The following NTRK3 variants were observed in gnomAD, a reference collection of about 807,000 sequenced individuals.
NTRK3 encodes NT-3 growth factor receptor.
NTRK3 carries 24 observed loss-of-function variants against 91.7 expected under a neutral mutation model. The observed-to-expected ratio is 0.26, with a 90% CI of 0.19 to 0.37. NTRK3 has a LOEUF of 0.37. Ranked by LOEUF, NTRK3 falls within the 10% of genes least tolerant of loss-of-function variation. The probability of loss-of-function intolerance (pLI) is 1.00; values close to 1 mark genes in which losing one functional copy is unlikely to be tolerated. For synonymous variants in NTRK3, 483 were observed against 404.0 expected (o/e 1.20, Z -2.34); for missense variants, 880 against 1,068.9 (o/e 0.82, Z 2.46).
At chr15:87,935,412 G>A (rs541666984) in intron 15 of NTRK3, among the ~76,000 whole-genome samples, 16 of 152,318 alleles carry the variant, frequency 1.1e-4, no homozygotes, top group Middle Eastern at 3.4e-3. Context: ...AGGATGTAAT[G>A]TCTACCTATA....
intron 14 of NTRK3, among the ~76,000 whole-genome samples, chr15:88,015,350 C>T (rs571218081): frequency 1.3e-5 from 2 of 152,254 alleles, no homozygotes; most frequent in East Asian, 3.9e-4. Flanking sequence ...CCCTCCACCC[C>T]GGGAGGGAGT....
chr15:88,219,503 C>A (rs1044447175), intron 3 of NTRK3, among the ~76,000 whole-genome samples: 2 of 152,248 alleles, frequency 1.3e-5, no homozygotes, highest in African/African-American at 2.4e-5. Context: ...TGGAACCAAG[C>A]AAAACCTTAG....
At chr15:88,217,967 A>C (rs2049935174) in intron 3 of NTRK3, among the ~76,000 whole-genome samples, 1 of 151,990 alleles carries the variant, frequency 6.6e-6, no homozygotes, top group African/African-American at 2.4e-5. Flanking sequence ...TCACCGTTTT[A>C]GCACAATTTT....
At chr15:88,002,969 C>T (rs898750086) in intron 14 of NTRK3, among the ~76,000 whole-genome samples, 6 of 152,130 alleles carry the variant, frequency 3.9e-5, no homozygotes, top group South Asian at 4.2e-4. Flanking sequence ...TTCAAAAATC[C>T]GCCAAGATCA....
In NTRK3 at chr15:87,861,199, T is replaced by C. The variant is rs138961528; in HGVS notation, c.*15736A>G. On this transcript the variant is annotated 3_prime_UTR_variant, in exon 19 of 19. Coordinates refer to ENST00000394480, the Ensembl canonical transcript of NTRK3. ...ACACATGGGATCAGACAAGATATAATAGCTTTACATATACTTAGTACAGAA... is the reference window on the plus strand; with the variant it reads ...ACACATGGGATCAGACAAGATATAACAGCTTTACATATACTTAGTACAGAA... The C allele has an allele frequency of 2.1e-3, 455 of 220,142 alleles. 2 individuals are homozygous for C. The highest frequency in any genetic ancestry group is 9.5e-3 in the African/African-American group (426 of 44,652). The allele number at this position is 220,142 out of a possible 1,614,324, so 13.6% of individuals were successfully genotyped here.
intron 11 of NTRK3, among the ~76,000 whole-genome samples, chr15:88,128,047 A>G (rs1340077076): frequency 6.6e-6 from 1 of 152,186 alleles, no homozygotes; most frequent in Non-Finnish European, 1.5e-5. Context: ...AACAGCACCT[A>G]TTATCTCAAG....
intron 14 of NTRK3, among the ~76,000 whole-genome samples, chr15:87,993,041 G>C (rs1433115699): frequency 6.6e-6 from 1 of 152,094 alleles, no homozygotes; most frequent in African/African-American, 2.4e-5. Flanking sequence ...CTTTAAAAAT[G>C]ATTATGTTAC....
intron 5 of NTRK3, among the ~76,000 whole-genome samples, chr15:88,171,671 C>T (rs1172807361): frequency 1.3e-5 from 2 of 152,176 alleles, no homozygotes; most frequent in Non-Finnish European, 2.9e-5. Context: ...GAATTATTTC[C>T]TTGTGTCCTA....
At chr15:88,155,856 G>T (rs754358124) in intron 5 of NTRK3, among the ~76,000 whole-genome samples, 2 of 148,268 alleles carry the variant, frequency 1.3e-5, no homozygotes, top group Admixed American at 6.7e-5. Flanking sequence ...ATATAAATGA[G>T]GTATTTCACA....
At chr15:88,202,765 C>T (rs2048413975) in intron 3 of NTRK3, among the ~76,000 whole-genome samples, 1 of 152,210 alleles carries the variant, frequency 6.6e-6, no homozygotes, top group Non-Finnish European at 1.5e-5. Context: ...TGTCCAAAGG[C>T]TGAGTGTGAC....
intron 13 of NTRK3, among the ~76,000 whole-genome samples, chr15:88,115,547 T>A (rs2051951968): frequency 6.6e-6 from 1 of 152,194 alleles, no homozygotes; most frequent in Non-Finnish European, 1.5e-5. Context: ...ATGCTGGCAT[T>A]CTTCTGCCCC....
intron 14 of NTRK3, among the ~76,000 whole-genome samples, chr15:88,008,483 A>C (rs530343990): frequency 6.6e-6 from 1 of 152,218 alleles, no homozygotes; most frequent in East Asian, 1.9e-4. Context: ...TCTTGGACAC[A>C]GTGGTCCAAG....
chr15:87,923,823 G>C (rs2068070790), intron 17 of NTRK3, among the ~76,000 whole-genome samples: 1 of 152,096 alleles, frequency 6.6e-6, no homozygotes, highest in Admixed American at 6.5e-5. Context: ...ATGAGAGTGG[G>C]TTTGTTATCA....
chr15:87,864,218 A>C (rs931190689), exon 19 of NTRK3: 11 of 232,518 alleles, frequency 4.7e-5, no homozygotes, highest in African/African-American at 2.4e-4. Flanking sequence ...CATAAACAAG[A>C]AGAGTTCTTG....
intron 13 of NTRK3, among the ~76,000 whole-genome samples, chr15:88,113,732 T>G (rs1183782535): frequency 6.6e-6 from 1 of 152,212 alleles, no homozygotes; most frequent in Non-Finnish European, 1.5e-5. Context: ...ACAGCCATGC[T>G]CATTCATTTA....
chr15:88,112,126 T>TA (rs2051467003), intron 13 of NTRK3, among the ~76,000 whole-genome samples: 1 of 152,182 alleles, frequency 6.6e-6, no homozygotes. Context: ...CAGGATGGTC[T>TA]TGATCTCCTG....
chr15:88,143,306 G>C lies in NTRK3; in HGVS notation c.464+4029C>G, dbSNP rs79480698. On this transcript the variant is annotated intron_variant, in intron 6 of 18. Transcript: ENST00000394480. ...ATGGCAGGCACGTGAGATGGAGTCA[G>C]AGGTTGAAGTGATGCTGCCACAAGC... Among the ~76,000 whole-genome samples the C allele has an allele frequency of 1.8e-3, 278 of 152,330 alleles. 1 individual carries two copies. The Middle Eastern group carries it at 0.031, about 17-fold the overall frequency.
intron 16 of NTRK3, among the ~76,000 whole-genome samples, chr15:87,931,852 G>A (rs1163602572): frequency 2.6e-5 from 4 of 152,182 alleles, no homozygotes; most frequent in African/African-American, 9.7e-5. Context: ...GCAGTTTTTG[G>A]TGAGTGGGCT....
intron 14 of NTRK3, among the ~76,000 whole-genome samples, chr15:87,947,886 A>G (rs2070728264): frequency 6.6e-6 from 1 of 152,064 alleles, no homozygotes; most frequent in Non-Finnish European, 1.5e-5. Flanking sequence ...GGGAGCTCCA[A>G]CTCTGGGTGT....
Sources: gnomAD v4.1 joint callset for allele counts (sites outside exome capture counted in the v4.1 genomes callset) on GRCh38, gnomAD v4.1.1 for gene constraint, MANE v1.5 for transcripts, NCBI Gene and HGNC (gene_info 2026-07-23, HGNC 2026-07-21) for gene names.